The following PTPRT variants were observed in gnomAD, a reference collection of about 807,000 sequenced individuals.
PTPRT encodes protein tyrosine phosphatase receptor type T.
A neutral mutation model predicts 176.8 loss-of-function variants in PTPRT; 56 were observed. That is an observed-to-expected ratio of 0.32 (90% CI 0.26 to 0.40). PTPRT has a LOEUF of 0.40. Ranked by LOEUF, PTPRT falls within the 10% of genes least tolerant of loss-of-function variation. The pLI, the probability that PTPRT is intolerant of heterozygous loss-of-function variation, is 1.00. For synonymous variants in PTPRT, 783 were observed against 739.0 expected (o/e 1.06, Z -0.96); for missense variants, 1,540 against 1,908.2 (o/e 0.81, Z 3.60).
chr20:42,832,076 A>G (rs552565155), intron 2 of PTPRT, among the ~76,000 whole-genome samples: 128 of 152,366 alleles, frequency 8.4e-4, no homozygotes, highest in Admixed American at 1.8e-3. Flanking sequence ...ACACATGCAC[A>G]TGAATGTTCA....
At position 42,549,269 on chromosome 20, in the gene PTPRT, A is replaced by G. The variant is rs142807330; in HGVS notation, c.1154-76707T>C. Among the ~76,000 whole-genome samples, 312 of 152,218 alleles carry G rather than the reference A, an allele frequency of 2.0e-3. 1 individual carries two copies. Among genetic ancestry groups the G allele is most frequent in the Non-Finnish European group, 2.4e-3 (163 of 68,004 alleles). ...TAATGTGTGAAATGTACATACAGTA[A>G]TCTGGATGGAAGTTAAAAAAATAGT... On this transcript the variant is annotated intron_variant, in intron 7 of 30. Transcript: ENST00000373187.
At chr20:42,780,344 G>A (rs376229132) in intron 3 of PTPRT, 45 bp from the exon 4 acceptor site, 10 of 1,492,042 alleles carry the variant, frequency 6.7e-6, no homozygotes, top group African/African-American at 4.1e-5. Context: ...AACAGTTGCA[G>A]GCATTCATCA....
At chr20:42,218,382 C>T (rs2055818227) in intron 15 of PTPRT, among the ~76,000 whole-genome samples, 1 of 152,084 alleles carries the variant, frequency 6.6e-6, no homozygotes, top group African/African-American at 2.4e-5. Context: ...CTTTGATATC[C>T]ATTATTGTTA....
intron 7 of PTPRT, among the ~76,000 whole-genome samples, chr20:42,594,871 C>A (rs779726328): frequency 6.6e-6 from 1 of 152,158 alleles, no homozygotes; most frequent in African/African-American, 2.4e-5. Flanking sequence ...TCAAAGCTGA[C>A]GTCAGTGGTA....
intron 9 of PTPRT, among the ~76,000 whole-genome samples, chr20:42,369,220 C>A (rs1362195742): frequency 6.6e-6 from 1 of 152,122 alleles, no homozygotes; most frequent in Non-Finnish European, 1.5e-5. Context: ...ACCTCAGTCT[C>A]CAGAGTAATT....
chr20:42,322,148 T>C (rs1004203492), intron 11 of PTPRT, among the ~76,000 whole-genome samples: 1 of 151,978 alleles, frequency 6.6e-6, no homozygotes, highest in African/African-American at 2.4e-5. Context: ...TGCTCATGGG[T>C]AGGAAGAATC....
intron 2 of PTPRT, among the ~76,000 whole-genome samples, chr20:42,799,151 G>A (rs1197446905): frequency 6.6e-6 from 1 of 151,892 alleles, no homozygotes; most frequent in African/African-American, 2.4e-5. Context: ...GAGGGAAAAG[G>A]GGAAGAGGAT....
At chr20:42,848,436 C>T (rs768860597) in intron 2 of PTPRT, among the ~76,000 whole-genome samples, 1 of 152,198 alleles carries the variant, frequency 6.6e-6, no homozygotes, top group African/African-American at 2.4e-5. Context: ...TACATTCCCA[C>T]CAGCAGTGTA....
intron 1 of PTPRT, among the ~76,000 whole-genome samples, chr20:42,922,296 T>C (rs1477065585): frequency 2.0e-5 from 3 of 152,150 alleles, no homozygotes; most frequent in Non-Finnish European, 4.4e-5. Flanking sequence ...ACCTACCTGG[T>C]GGAGTGCTTA....
chr20:42,871,177 C>T (rs1488509900), intron 2 of PTPRT, among the ~76,000 whole-genome samples: 4 of 151,964 alleles, frequency 2.6e-5, no homozygotes, highest in Non-Finnish European at 5.9e-5. Flanking sequence ...GTCTTGAACT[C>T]CTGACCTCAG....
intron 1 of PTPRT, among the ~76,000 whole-genome samples, chr20:43,071,757 C>T (rs565426424): frequency 5.9e-5 from 9 of 152,348 alleles, no homozygotes; most frequent in Non-Finnish European, 1.2e-4. Context: ...TGCACTCCAG[C>T]CTGGGCAACA....
chr20:43,130,813 T>TA lies in PTPRT; in HGVS notation c.88+58832_88+58833insT, dbSNP rs1568803065. On this transcript the variant is annotated intron_variant, in intron 1 of 30. Transcript: ENST00000373187. ...GATTTGGTGAAATAAGGAAGGATTT[T>TA]CAAAAAAAAAAAAAAAGGAAAAAGT... 5.4e-3 allele frequency among the ~76,000 whole-genome samples: 653 copies of TA among 121,544 alleles called. 1 individual carries two copies. Among genetic ancestry groups the TA allele is most frequent in the East Asian group, 0.013 (59 of 4,526 alleles). The allele number at this position is 121,544 out of a possible 152,430, so 79.7% of individuals were successfully genotyped here.
At chr20:42,903,824 G>C (rs758706326) in intron 1 of PTPRT, among the ~76,000 whole-genome samples, 3 of 152,204 alleles carry the variant, frequency 2.0e-5, no homozygotes, top group Non-Finnish European at 2.9e-5. Flanking sequence ...TGGTGATGGT[G>C]TCTTGGGTAG....
intron 8 of PTPRT, among the ~76,000 whole-genome samples, chr20:42,465,396 G>A (rs192089075): frequency 2.0e-5 from 3 of 152,186 alleles, no homozygotes; most frequent in Non-Finnish European, 2.9e-5. Flanking sequence ...AGTAAATAAC[G>A]GAAACAACCT....
In PTPRT at chr20:42,206,786, C is replaced by T. The variant is rs946653481; in HGVS notation, c.2343-7398G>A. Reference sequence around the variant, plus strand: ...CGAACTGGGTGAACTGGGCGGAGCCCACCACAGCACAAGGAGGCCTGCCTG... The same window carrying T: ...CGAACTGGGTGAACTGGGCGGAGCCTACCACAGCACAAGGAGGCCTGCCTG... On this transcript the variant is annotated intron_variant, in intron 15 of 30. Coordinates refer to ENST00000373187, the MANE Select transcript of PTPRT (RefSeq NM_007050.6). Among the ~76,000 whole-genome samples, 33 of 152,386 alleles carry T rather than the reference C, an allele frequency of 2.2e-4. 1 individual carries two copies. The highest frequency in any genetic ancestry group is 2.1e-3 in the Admixed American group (32 of 15,314).
chr20:43,004,623 T>C (rs1163227822), intron 1 of PTPRT, among the ~76,000 whole-genome samples: 1 of 152,192 alleles, frequency 6.6e-6, no homozygotes, highest in Non-Finnish European at 1.5e-5. Flanking sequence ...TCTAACAGAA[T>C]ATATCCATAG....
At chr20:42,701,243 T>C (rs1019410003) in intron 6 of PTPRT, among the ~76,000 whole-genome samples, 1 of 152,222 alleles carries the variant, frequency 6.6e-6, no homozygotes, top group African/African-American at 2.4e-5. Context: ...GAGTCATTCC[T>C]GCTCATTCTG....
chr20:43,171,423 A>C (rs1410733825), intron 1 of PTPRT, among the ~76,000 whole-genome samples: 1 of 152,200 alleles, frequency 6.6e-6, no homozygotes, highest in African/African-American at 2.4e-5. Flanking sequence ...ATTCCAGTAG[A>C]AAAAAGTCAG....
intron 16 of PTPRT, among the ~76,000 whole-genome samples, chr20:42,170,008 A>G (rs1990010731): frequency 6.6e-6 from 1 of 152,178 alleles, no homozygotes; most frequent in Non-Finnish European, 1.5e-5. Flanking sequence ...GTTCCATTAG[A>G]AGGCTTCTAG....
Sources: allele counts gnomAD v4.1 joint callset (sites outside exome capture counted in the v4.1 genomes callset), GRCh38; gene constraint gnomAD v4.1.1; transcripts MANE v1.5; gene names NCBI Gene and HGNC (gene_info 2026-07-23, HGNC 2026-07-21).